CAMK4: variants seen among roughly 807,000 people sequenced by gnomAD.
The protein encoded by CAMK4 is calcium/calmodulin-dependent protein kinase type IV.
In CAMK4, 22 loss-of-function variants were observed where a neutral mutation model predicts 44.9. The observed-to-expected ratio is 0.49, with a 90% CI of 0.35 to 0.70. The LOEUF (loss-of-function observed/expected upper bound fraction) is 0.70. CAMK4 is among the 30% of genes least tolerant of loss of function. The pLI is 0.01. For missense variants in CAMK4, 498 were observed against 586.8 expected, an observed-to-expected ratio of 0.85 and a Z score of 1.56; for synonymous variants, 218 against 215.4, an observed-to-expected ratio of 1.01 and a Z score of -0.11.
At chr5:111,291,034 C>A (rs73786877) in intron 1 of CAMK4, among the ~76,000 whole-genome samples, 3,708 of 152,158 alleles carry the variant, frequency 0.024, 143 homozygotes, top group African/African-American at 0.084. Context: ...ATAAGATTGA[C>A]AATTATAAGT....
At chr5:111,433,029 A>G (rs1158787915) in intron 5 of CAMK4, among the ~76,000 whole-genome samples, 1 of 152,210 alleles carries the variant, frequency 6.6e-6, no homozygotes, top group Admixed American at 6.5e-5. Flanking sequence ...CATGGGAGGC[A>G]GAGAAAATGA....
chr5:111,424,496 G>C, intron 5 of CAMK4, among the ~76,000 whole-genome samples: 1 of 126,932 alleles, frequency 7.9e-6, no homozygotes, highest in Non-Finnish European at 1.6e-5. Flanking sequence ...CCAGGCTGGA[G>C]TGCAGTGGTG....
intron 1 of CAMK4, among the ~76,000 whole-genome samples, chr5:111,245,161 A>G (rs938912618): frequency 3.3e-5 from 5 of 152,092 alleles, no homozygotes; most frequent in Non-Finnish European, 7.4e-5. Flanking sequence ...GGACATATTG[A>G]TTCCATAAGT....
At chr5:111,394,028 G>A (rs1436128460) in intron 4 of CAMK4, among the ~76,000 whole-genome samples, 1 of 151,772 alleles carries the variant, frequency 6.6e-6, no homozygotes, top group African/African-American at 2.4e-5. Flanking sequence ...TTGGCGGGGG[G>A]AAGAGAGAGA....
At chr5:111,316,973 T>C (rs1368134953) in intron 1 of CAMK4, among the ~76,000 whole-genome samples, 1 of 152,126 alleles carries the variant, frequency 6.6e-6, no homozygotes. Context: ...TAAGAGCACA[T>C]AGGAATTCGT....
In CAMK4 at chr5:111,444,957, T is replaced by C. The variant is rs1175014120; in HGVS notation, c.460-1729T>C. Among the ~76,000 whole-genome samples the C allele has an allele frequency of 3.3e-5, 5 of 152,314 alleles. No individual in the cohort carries two copies. In the East Asian group the frequency reaches 9.6e-4, roughly 29 times the overall value. ...TCAGCAAAAGTTAAAACTACAGATTTAGCAAAGATATTAACATATATGCAT... is the reference window on the plus strand; with the variant it reads ...TCAGCAAAAGTTAAAACTACAGATTCAGCAAAGATATTAACATATATGCAT... On this transcript the variant is annotated intron_variant, in intron 5 of 10. Coordinates refer to ENST00000282356, the MANE Select transcript of CAMK4 (RefSeq NM_001744.6).
At chr5:111,247,173 ATATG>A (rs561125492) in intron 1 of CAMK4, among the ~76,000 whole-genome samples, 2 of 151,572 alleles carry the variant, frequency 1.3e-5, no homozygotes, top group East Asian at 1.9e-4. Context: ...TATGTATAGT[ATATG>A]TATGTATGTA....
At chr5:111,463,061 C>A (rs1008804270) in intron 7 of CAMK4, among the ~76,000 whole-genome samples, 1 of 152,136 alleles carries the variant, frequency 6.6e-6, no homozygotes, top group African/African-American at 2.4e-5. Flanking sequence ...CAAACTTATT[C>A]TGCATTGAAG....
At position 111,294,777 on chromosome 5, in the gene CAMK4, T is replaced by C. The variant is rs189322415; in HGVS notation, c.162-49247T>C. Among the ~76,000 whole-genome samples, 337 of 152,280 alleles carry C rather than the reference T, an allele frequency of 2.2e-3. 1 individual carries two copies. The highest frequency in any genetic ancestry group is 7.7e-3 in the African/African-American group (320 of 41,546). ...GGTGCTTGAGTTCATGTCCTCAAAT[T>C]AGGCAATGTTTCCTCCTTTCTTGAA... On this transcript the variant is annotated intron_variant, in intron 1 of 10. Coordinates refer to ENST00000282356, the MANE Select transcript of CAMK4 (RefSeq NM_001744.6).
At chr5:111,432,516 A>G (rs1753485883) in intron 5 of CAMK4, among the ~76,000 whole-genome samples, 1 of 151,858 alleles carries the variant, frequency 6.6e-6, no homozygotes, top group African/African-American at 2.4e-5. Context: ...TTGTAACTCA[A>G]AGGATAAATG....
intron 1 of CAMK4, among the ~76,000 whole-genome samples, chr5:111,296,841 G>C (rs1747503901): frequency 6.6e-6 from 1 of 152,166 alleles, no homozygotes; most frequent in South Asian, 2.1e-4. Flanking sequence ...TTCTGGATCT[G>C]TGCATAATAC....
At chr5:111,279,099 T>G (rs1750896373) in intron 1 of CAMK4, among the ~76,000 whole-genome samples, 1 of 152,170 alleles carries the variant, frequency 6.6e-6, no homozygotes, top group South Asian at 2.1e-4. Context: ...CAGCGAGGTG[T>G]CCTTGTGTAA....
intron 1 of CAMK4, among the ~76,000 whole-genome samples, chr5:111,265,074 C>T (rs1750176323): frequency 6.6e-6 from 1 of 151,962 alleles, no homozygotes; most frequent in Non-Finnish European, 1.5e-5. Flanking sequence ...ATTATAACTA[C>T]AGGTATCATG....
chr5:111,457,004 C>T (rs1021011993), intron 7 of CAMK4, among the ~76,000 whole-genome samples: 5 of 152,098 alleles, frequency 3.3e-5, no homozygotes, highest in Non-Finnish European at 7.4e-5. Flanking sequence ...TCTGTCAGTG[C>T]CACTTTTGTG....
chr5:111,319,575 C>T (rs1488449863), intron 1 of CAMK4, among the ~76,000 whole-genome samples: 1 of 152,016 alleles, frequency 6.6e-6, no homozygotes, highest in Non-Finnish European at 1.5e-5. Flanking sequence ...GCTCTGTGAA[C>T]GTGATGAGTT....
intron 2 of CAMK4, among the ~76,000 whole-genome samples, chr5:111,355,131 A>G (rs570783556): frequency 2.6e-5 from 4 of 152,216 alleles, no homozygotes; most frequent in East Asian, 3.9e-4. Flanking sequence ...TTTTGGGGCC[A>G]ATTGAGATCT....
intron 2 of CAMK4, among the ~76,000 whole-genome samples, chr5:111,361,668 T>C (rs1488944898): frequency 3.9e-5 from 6 of 152,062 alleles, no homozygotes; most frequent in Non-Finnish European, 8.8e-5. Context: ...TGACAGTGAT[T>C]AGTAAACATA....
chr5:111,406,430 G>A (rs1457096986), intron 5 of CAMK4, among the ~76,000 whole-genome samples: 1 of 151,922 alleles, frequency 6.6e-6, no homozygotes, highest in African/African-American at 2.4e-5. Flanking sequence ...CACCATGTTG[G>A]CCAGGCTGGT....
intron 4 of CAMK4, among the ~76,000 whole-genome samples, chr5:111,386,859 C>T (rs1455808370): frequency 6.6e-6 from 1 of 150,786 alleles, no homozygotes; most frequent in African/African-American, 2.5e-5. Flanking sequence ...GTCTGCTAGG[C>T]CCCCTGGCAG....
Sources: gnomAD v4.1 joint callset for allele counts (sites outside exome capture counted in the v4.1 genomes callset) on GRCh38, gnomAD v4.1.1 for gene constraint, MANE v1.5 for transcripts, NCBI Gene and HGNC (gene_info 2026-07-23, HGNC 2026-07-21) for gene names.